Variants in NCAM2 observed in about 807,000 individuals in gnomAD.
NCAM2 encodes the protein neural cell adhesion molecule 2, also known as N-CAM-2.
Under a neutral mutation model 98.1 loss-of-function variants are expected in NCAM2, and 30 were observed. That is an observed-to-expected ratio of 0.31 (90% CI 0.23 to 0.41). The LOEUF (loss-of-function observed/expected upper bound fraction) is 0.41. Ranked by LOEUF, NCAM2 falls within the 10% of genes least tolerant of loss-of-function variation. The pLI, the probability that NCAM2 is intolerant of heterozygous loss-of-function variation, is 1.00. For synonymous variants in NCAM2, 368 were observed against 342.4 expected (o/e 1.07, Z -0.83); for missense variants, 867 against 1,005.8 (o/e 0.86, Z 1.87).
At chr21:21,150,236 ACTTATT>A (rs2067408184) in intron 1 of NCAM2, among the ~76,000 whole-genome samples, 2 of 152,158 alleles carry the variant, frequency 1.3e-5, no homozygotes, top group African/African-American at 4.8e-5. Flanking sequence ...AAATATATTT[ACTTATT>A]CTTATAGTTT....
intron 1 of NCAM2, among the ~76,000 whole-genome samples, chr21:21,021,553 T>C (rs1194796078): frequency 6.6e-6 from 1 of 152,170 alleles, no homozygotes; most frequent in Non-Finnish European, 1.5e-5. Flanking sequence ...ACGGTGATTG[T>C]TATGTTTATA....
intron 1 of NCAM2, among the ~76,000 whole-genome samples, chr21:21,197,349 C>G (rs926318879): frequency 8.5e-5 from 13 of 152,074 alleles, no homozygotes; most frequent in South Asian, 6.2e-4. Flanking sequence ...AGGCTGGTCT[C>G]GAACTCCTGG....
intron 9 of NCAM2, among the ~76,000 whole-genome samples, chr21:21,399,537 T>G (rs974207020): frequency 2.0e-5 from 3 of 152,238 alleles, no homozygotes; most frequent in Admixed American, 1.3e-4. Flanking sequence ...ACAAGGATGA[T>G]GCCTATTCTT....
intron 6 of NCAM2, 147 bp downstream of exon 6, chr21:21,324,647 C>T (rs965110405): frequency 9.8e-6 from 6 of 612,160 alleles, no homozygotes; most frequent in Non-Finnish European, 1.4e-5. Context: ...TTGGGGCTTA[C>T]GGTGGTTAGA....
At chr21:21,191,543 A>G (rs1238460208) in intron 1 of NCAM2, among the ~76,000 whole-genome samples, 1 of 152,226 alleles carries the variant, frequency 6.6e-6, no homozygotes, top group Non-Finnish European at 1.5e-5. Context: ...TTACATACAT[A>G]CAAAACTGTG....
intron 5 of NCAM2, among the ~76,000 whole-genome samples, chr21:21,304,380 C>T (rs937501881): frequency 6.6e-6 from 1 of 151,580 alleles, no homozygotes; most frequent in Admixed American, 6.6e-5. Flanking sequence ...CTAAAAACAC[C>T]GTACTTTAGC....
At chr21:21,471,750 C>A (rs745438537) in intron 14 of NCAM2, among the ~76,000 whole-genome samples, 8 of 151,962 alleles carry the variant, frequency 5.3e-5, no homozygotes, top group Non-Finnish European at 7.4e-5. Flanking sequence ...ATAGCTATAT[C>A]CTATTATAGA....
At chr21:21,304,873 T>C (rs2073832723) in intron 5 of NCAM2, among the ~76,000 whole-genome samples, 1 of 152,230 alleles carries the variant, frequency 6.6e-6, no homozygotes, top group Non-Finnish European at 1.5e-5. Context: ...AATTATTCCA[T>C]ATATTTTGAT....
intron 1 of NCAM2, among the ~76,000 whole-genome samples, chr21:21,212,959 C>G (rs1007013666): frequency 3.2e-4 from 48 of 152,066 alleles, no homozygotes; most frequent in African/African-American, 1.0e-3. Context: ...CCAGGATGGT[C>G]TCGATCTCCT....
chr21:21,462,716 T>C (rs899789395), intron 12 of NCAM2, among the ~76,000 whole-genome samples: 1 of 152,070 alleles, frequency 6.6e-6, no homozygotes, highest in African/African-American at 2.4e-5. Context: ...TAAAGCGTTA[T>C]TTCTAAAATT....
chr21:21,143,914 T>C (rs567138077), intron 1 of NCAM2, among the ~76,000 whole-genome samples: 3 of 152,024 alleles, frequency 2.0e-5, no homozygotes, highest in African/African-American at 7.2e-5. Context: ...CATATTGGCA[T>C]TGCTGTCAAT....
chr21:21,105,309 T>C (rs988054817), intron 1 of NCAM2, among the ~76,000 whole-genome samples: 2 of 152,166 alleles, frequency 1.3e-5, no homozygotes, highest in Non-Finnish European at 1.5e-5. Flanking sequence ...TAACATTATT[T>C]GACTTTGTTT....
intron 5 of NCAM2, among the ~76,000 whole-genome samples, chr21:21,294,539 T>A (rs2073407256): frequency 6.6e-6 from 1 of 151,838 alleles, no homozygotes; most frequent in Non-Finnish European, 1.5e-5. Flanking sequence ...GCTCGGACAT[T>A]GATAATTAGT....
intron 1 of NCAM2, among the ~76,000 whole-genome samples, chr21:21,209,719 A>G (rs183605113): frequency 6.6e-6 from 1 of 152,304 alleles, no homozygotes; most frequent in Non-Finnish European, 1.5e-5. Context: ...TTAAAAAATT[A>G]AAAGATACGT....
rs568341829 is a variant in NCAM2 at position 21,521,999 on chromosome 21, G to A, written c.2283-12538G>A. Among the ~76,000 whole-genome samples, 253 of 148,714 alleles carry A rather than the reference G, an allele frequency of 1.7e-3. 1 individual carries two copies. Among genetic ancestry groups the A allele is most frequent in the Middle Eastern group, 3.6e-3 (1 of 278 alleles). ...TATTCAAACTGCAGAAAATTAATGT[G>A]TATATATCAATATATAAATATAGAT... is the stretch of plus-strand genomic sequence containing the variant. On this transcript the variant is annotated intron_variant, in intron 16 of 17. Transcript: ENST00000400546.
intron 8 of NCAM2, among the ~76,000 whole-genome samples, chr21:21,339,797 A>G (rs2074974558): frequency 6.6e-6 from 1 of 151,914 alleles, no homozygotes; most frequent in Non-Finnish European, 1.5e-5. Context: ...TCTCTGGTCA[A>G]TTTATTACTT....
At chr21:21,255,884 G>C (rs1158349703) in intron 1 of NCAM2, among the ~76,000 whole-genome samples, 1 of 152,062 alleles carries the variant, frequency 6.6e-6, no homozygotes, top group Non-Finnish European at 1.5e-5. Flanking sequence ...TTCTGTCCTT[G>C]GTGCAGCTTG....
intron 5 of NCAM2, among the ~76,000 whole-genome samples, chr21:21,311,907 G>C (rs929161573): frequency 2.0e-5 from 3 of 152,016 alleles, no homozygotes; most frequent in African/African-American, 7.2e-5. Flanking sequence ...ATTTTTGAAG[G>C]TTCCTTGAGT....
At chr21:21,476,304 T>A (rs2146257753) in intron 14 of NCAM2, among the ~76,000 whole-genome samples, 1 of 152,260 alleles carries the variant, frequency 6.6e-6, no homozygotes, top group Non-Finnish European at 1.5e-5. Flanking sequence ...ATACAGTTTT[T>A]ATGGAAACAG....
Sources: allele counts gnomAD v4.1 joint callset (sites outside exome capture counted in the v4.1 genomes callset), GRCh38; gene constraint gnomAD v4.1.1; transcripts MANE v1.5; gene names NCBI Gene and HGNC (gene_info 2026-07-23, HGNC 2026-07-21).